Variants in KIF7 observed in about 807,000 individuals in gnomAD.
The protein encoded by KIF7 is kinesin family member 7.
A neutral mutation model predicts 135.7 loss-of-function variants in KIF7; 104 were observed. The ratio of observed to expected loss-of-function variants is 0.77; its 90% CI spans 0.65 to 0.90. The LOEUF (loss-of-function observed/expected upper bound fraction) is 0.90. Among genes scored for constraint, KIF7 ranks in the 40% least tolerant of loss-of-function variants. The probability of loss-of-function intolerance (pLI) is 0.00; values close to 1 mark genes in which losing one functional copy is unlikely to be tolerated. For synonymous variants in KIF7, 883 were observed against 809.4 expected (o/e 1.09, Z -1.54); for missense variants, 2,005 against 1,839.1 (o/e 1.09, Z -1.65).
chr15:89,633,726 C>G lies in KIF7; in HGVS notation c.2552G>C (p.Arg851Pro). The G allele has an allele frequency of 1.2e-6, 2 of 1,608,542 alleles. No individual in the cohort carries two copies. The highest frequency in any genetic ancestry group is 1.7e-6 in the Non-Finnish European group (2 of 1,179,870). The change falls in exon 12 of 19, where the codon CGC (arginine) becomes CCC (proline). Residue 851 changes from arginine (R) to proline (P), a missense_variant. By Grantham distance (103) the Arg-to-Pro change is moderately radical (BLOSUM62 -2). Transcript: ENST00000394412. ...RLREETEQKRRLEAEMSKRQH... is the reference protein window; with the variant it reads ...RLREETEQKRPLEAEMSKRQH... ...CCGCTTGCTCATTTCTGCCTCCAGG[C>G]GCCGCTTCTGCTCCGTCTCCTCGCG...
chr15:89,647,166 T>C (rs1370386866), intron 6 of KIF7, 109 bp from the exon 7 acceptor site: 1 of 961,168 alleles, frequency 1.0e-6, no homozygotes, highest in South Asian at 1.4e-5. Flanking sequence ...GGGCTGAAAA[T>C]GAGGAGTGTC....
chr15:89,619,324 C>T (rs1963386674), intron 1 of KIF7, among the ~76,000 whole-genome samples: 1 of 148,184 alleles, frequency 6.7e-6, no homozygotes, highest in Admixed American at 6.9e-5. Flanking sequence ...CTCCCAGGTT[C>T]AAGCGATTCT....
intron 5 of KIF7, 72 bp downstream of exon 5, chr15:89,648,183 G>A (rs1010508377): frequency 7.9e-6 from 11 of 1,390,148 alleles, no homozygotes; most frequent in Non-Finnish European, 1.0e-5. Flanking sequence ...GCTGCTGTCT[G>A]AAGACCCTCT....
rs794727156 is a variant in KIF7 at position 89,631,506 on chromosome 15, G to A, written c.3100C>T (p.Leu1034=). 1.9e-6 allele frequency: 3 copies of A among 1,575,790 alleles called. No homozygotes were observed. Among genetic ancestry groups the A allele is most frequent in the Non-Finnish European group, 2.6e-6 (3 of 1,160,540 alleles). ...IDGKLRQGSL[L]SPEEERTLFQ... is the part of the protein sequence containing the mutation. Reference sequence around the variant, plus strand: ...GGGCCGCAGGGTACCTCGGGGGACAGCAGACTCCCCTGCCTCAGCTTGCCG... The same window carrying A: ...GGGCCGCAGGGTACCTCGGGGGACAACAGACTCCCCTGCCTCAGCTTGCCG... Residue 1034 remains leucine, a synonymous_variant, in exon 15 of 19, where the codon CTG becomes TTG. Coordinates refer to ENST00000394412, the MANE Select transcript of KIF7 (RefSeq NM_198525.3).
chr15:89,647,169 G>A lies in KIF7; in HGVS notation c.1561-112C>T, dbSNP rs973470835. 107 of 943,972 alleles carry A rather than the reference G, an allele frequency of 1.1e-4. 1 individual carries two copies. The highest frequency in any genetic ancestry group is 1.7e-4 in the Non-Finnish European group (102 of 609,098). The allele number at this position is 943,972 out of a possible 1,614,324, so 58.5% of individuals were successfully genotyped here. A position where few individuals can be genotyped will look rare whatever the true frequency, so the allele number is the denominator to read the frequency against. On this transcript the variant is annotated intron_variant, in intron 6 of 18. Coordinates refer to ENST00000394412, the MANE Select transcript of KIF7 (RefSeq NM_198525.3). ...TCCACCGTCTCTGGGCTGAAAATGA[G>A]GAGTGTCAAATACTCCTCTCCTCCC...
upstream of KIF7, among the ~76,000 whole-genome samples, chr15:89,656,611 C>T (rs930468180): frequency 3.3e-5 from 5 of 152,230 alleles, no homozygotes; most frequent in African/African-American, 9.6e-5. Context: ...TCCACAACCA[C>T]ATCCTCGAAG....
chr15:89,626,953 T>C, downstream of KIF7: 2 of 1,613,760 alleles, frequency 1.2e-6, no homozygotes, highest in African/African-American at 1.3e-5. Context: ...TACCTTCTTC[T>C]AGATGAGGAT....
intron 4 of KIF7, 42 bp from the exon 5 acceptor site, chr15:89,648,816 C>A: frequency 6.6e-7 from 1 of 1,509,438 alleles, no homozygotes; most frequent in South Asian, 1.2e-5. Flanking sequence ...CCCGACGCTC[C>A]AGGCCCAGGG....
Position 89,631,487 on chromosome 15 carries a change from C to T in KIF7, c.3111+8G>A. ...ACCAAGGGGCTGAGCCATGGGGCCG[C>T]AGGGTACCTCGGGGGACAGCAGACT... On this transcript the variant is annotated splice_region_variant and intron_variant, in intron 15 of 18. Coordinates refer to ENST00000394412, the MANE Select transcript of KIF7 (RefSeq NM_198525.3). 1 of 1,563,576 alleles carries T rather than the reference C, an allele frequency of 6.4e-7. No homozygotes were observed. The highest frequency in any genetic ancestry group is 8.7e-7 in the Non-Finnish European group (1 of 1,154,226).
Position 89,628,469 on chromosome 15 carries a change from GTTCCC to G in KIF7, c.3977_3981del (p.Arg1326ProfsTer10), listed in dbSNP as rs2141990870. ...ATCATCCCCGGGCTGGCTCGTCGCAGTTCCCGCCGGGGCTTGGACAAAGGCCCAAA... is the reference window on the plus strand; with the variant it reads ...ATCATCCCCGGGCTGGCTCGTCGCAGGCCGGGGCTTGGACAAAGGCCCAAA... On this transcript the variant is annotated frameshift_variant, in exon 19 of 19. Coordinates refer to ENST00000394412, the MANE Select transcript of KIF7 (RefSeq NM_198525.3). LOFTEE classifies it high-confidence loss of function. 2.5e-6 allele frequency: 4 copies of G among 1,610,572 alleles called. No homozygotes were observed. Among genetic ancestry groups the G allele is most frequent in the Non-Finnish European group, 3.4e-6 (4 of 1,178,312 alleles).
chr15:89,618,325 C>T, intron 1 of KIF7: 1 of 919,856 alleles, frequency 1.1e-6, no homozygotes, highest in Non-Finnish European at 1.8e-6. Context: ...TGTGATGGCT[C>T]TGAGTCCACA....
chr15:89,624,293 C>A (rs1181349484), downstream of KIF7: 3 of 1,614,184 alleles, frequency 1.9e-6, no homozygotes, highest in Non-Finnish European at 1.7e-6. Context: ...TTTAGGAAAT[C>A]TAAAATAGAG....
At chr15:89,659,443 GAA>G (rs1964236424), upstream of KIF7, among the ~76,000 whole-genome samples, 3 of 139,890 alleles carry the variant, frequency 2.1e-5, no homozygotes, top group East Asian at 6.2e-4. Flanking sequence ...GAAGGGGAAA[GAA>G]AGAGAGAGAG....
chr15:89,648,109 G>A lies in KIF7; in HGVS notation c.1443+146C>T, dbSNP rs1163179111. 5 of 1,340,310 alleles carry A rather than the reference G, an allele frequency of 3.7e-6. No individual in the cohort carries two copies. In the South Asian group the frequency reaches 5.2e-5, roughly 14 times the overall value. 83.0% of individuals were successfully genotyped at this position (1,340,310 alleles called of 1,614,324 possible). ...TCGGTGAAGTTAAGGAAGTGACCAC[G>A]GTAATCAGCAGAAGTGACCGAATCC... On this transcript the variant is annotated intron_variant, in intron 5 of 18. Coordinates refer to ENST00000394412, the MANE Select transcript of KIF7 (RefSeq NM_198525.3).
rs4932238 is a variant in KIF7, at chr15:89,630,626, C to G, written c.3112-133G>C. The G allele has an allele frequency of 0.87, 657,924 of 756,102 alleles. 288,701 individuals carry two copies. The highest frequency in any genetic ancestry group is 0.92 in the Non-Finnish European group (401,600 of 438,022). 46.8% of individuals were successfully genotyped at this position (756,102 alleles called of 1,614,324 possible). ...CCCTCGTCCCAAGGGCCAAGTCAGC[C>G]CATCGAGAGAGGTGCCCCCTGCTCA... On this transcript the variant is annotated intron_variant, in intron 15 of 18. Coordinates refer to ENST00000394412, the MANE Select transcript of KIF7 (RefSeq NM_198525.3).
intron 1 of KIF7, among the ~76,000 whole-genome samples, chr15:89,618,879 A>G (rs1875781742): frequency 6.6e-6 from 1 of 152,232 alleles, no homozygotes; most frequent in Non-Finnish European, 1.5e-5. Context: ...GGATCTCTTG[A>G]GCTCTGGAGT....
intron 1 of KIF7, among the ~76,000 whole-genome samples, 193 bp from the exon 2 acceptor site, chr15:89,653,147 C>T (rs1158139817): frequency 6.6e-6 from 1 of 152,230 alleles, no homozygotes; most frequent in East Asian, 1.9e-4. Context: ...ATATAGTCCC[C>T]CACAGGAACA....
chr15:89,650,368 G>A (rs1358666095), intron 2 of KIF7, among the ~76,000 whole-genome samples: 3 of 151,922 alleles, frequency 2.0e-5, no homozygotes, highest in African/African-American at 4.8e-5. Flanking sequence ...GTGTCCATCC[G>A]AAGATCCAAT....
At chr15:89,642,062 C>T in intron 11 of KIF7, 141 bp downstream of exon 11, 1 of 863,818 alleles carries the variant, frequency 1.2e-6, no homozygotes. Context: ...TCTATACCAG[C>T]CTCACCCTGC....
Sources: allele counts gnomAD v4.1 joint callset (sites outside exome capture counted in the v4.1 genomes callset), GRCh38; gene constraint gnomAD v4.1.1; transcripts MANE v1.5; gene names NCBI Gene and HGNC (gene_info 2026-07-23, HGNC 2026-07-21).